The following DOK7 variants were observed in gnomAD, a reference collection of about 807,000 sequenced individuals.
DOK7 encodes docking protein 7, also known as protein Dok-7.
In DOK7, 32 loss-of-function variants were observed where a neutral mutation model predicts 30.7. The ratio of observed to expected loss-of-function variants is 1.04; its 90% CI spans 0.79 to 1.40. The LOEUF is 1.40. Among genes scored for constraint, DOK7 ranks in the 40% most tolerant of loss-of-function variants. The probability of loss-of-function intolerance (pLI) is 0.00; values close to 1 mark genes in which losing one functional copy is unlikely to be tolerated. For missense variants in DOK7, 1,007 were observed against 699.2 expected, an observed-to-expected ratio of 1.44 and a Z score of -4.97; for synonymous variants, 447 against 324.1, an observed-to-expected ratio of 1.38 and a Z score of -4.07.
At chr4:3,464,857 G>A (rs528709229) in intron 2 of DOK7, among the ~76,000 whole-genome samples, 1 of 152,210 alleles carries the variant, frequency 6.6e-6, no homozygotes, top group Non-Finnish European at 1.5e-5. Context: ...GTGAGTGCCT[G>A]AGTGGAGTGA....
In DOK7 at chr4:3,490,432, ATTCC is replaced by A. The variant is rs1398821123; in HGVS notation, c.772+640_772+643del. Reference sequence around the variant, plus strand: ...ACCCCCCCCACCGCCCCGCTCATTCATTCCTTCATTTCTCTCCTGCTCATTCATT... The same window carrying A: ...ACCCCCCCCACCGCCCCGCTCATTCATTCATTTCTCTCCTGCTCATTCATT... On this transcript the variant is annotated intron_variant, in intron 6 of 6. Transcript: ENST00000340083. Among the ~76,000 whole-genome samples, 48 of 19,244 alleles carry A rather than the reference ATTCC, an allele frequency of 2.5e-3. 1 individual carries two copies. Among genetic ancestry groups the A allele is most frequent in the African/African-American group, 8.8e-3 (45 of 5,138 alleles). The allele number at this position is 19,244 out of a possible 152,430, so 12.6% of individuals were successfully genotyped here. A position where few individuals can be genotyped will look rare whatever the true frequency, so the allele number is the denominator to read the frequency against.
rs913132284 is a variant in DOK7, at chr4:3,494,240, C to G, written c.*739C>G. ...GCTGGCTCCTGTCTGAACCTCCTCG[C>G]AGGGCCAAAGGCTGGCTTGGCCTGT... is the stretch of plus-strand genomic sequence containing the variant. On this transcript the variant is annotated 3_prime_UTR_variant, in exon 7 of 7. Transcript: ENST00000340083. 9 of 985,440 alleles carry G rather than the reference C, an allele frequency of 9.1e-6. 1 individual carries two copies. The East Asian group carries it at 4.5e-4, about 50-fold the overall frequency. The allele number at this position is 985,440 out of a possible 1,614,324, so 61.0% of individuals were successfully genotyped here.
intron 6 of DOK7, among the ~76,000 whole-genome samples, chr4:3,491,711 G>A (rs1431453849): frequency 6.6e-6 from 1 of 152,244 alleles, no homozygotes; most frequent in Non-Finnish European, 1.5e-5. Flanking sequence ...TTTACCTTCT[G>A]TGCCCAGACA....
intron 5 of DOK7, among the ~76,000 whole-genome samples, chr4:3,486,272 G>A (rs1448640385): frequency 6.6e-6 from 1 of 152,264 alleles, no homozygotes; most frequent in Non-Finnish European, 1.5e-5. Flanking sequence ...TCTGGTGCCT[G>A]GGCACGGTGG....
In DOK7 at chr4:3,492,859, A is replaced by T. The variant is rs768322699; in HGVS notation, c.873A>T (p.Ser291=). The change falls in exon 7 of 7, where the codon TCA becomes TCT. Residue 291 remains serine, a synonymous_variant. Coordinates refer to ENST00000340083, the MANE Select transcript of DOK7 (RefSeq NM_173660.5). Reference sequence around the variant, plus strand: ...CATGGCCAGAGCAATCCTCGTCGTCAGCCAGCACGTCACAGGAGGGGCCTA... The same window carrying T: ...CATGGCCAGAGCAATCCTCGTCGTCTGCCAGCACGTCACAGGAGGGGCCTA... ...LTAWPEQSSS[S]ASTSQEGPRP... is the part of the protein sequence containing the mutation. 6.8e-6 allele frequency: 11 copies of T among 1,610,136 alleles called. No individual in the cohort carries two copies. The highest frequency in any genetic ancestry group is 9.3e-6 in the Non-Finnish European group (11 of 1,179,130).
At position 3,493,720 on chromosome 4, in the gene DOK7, G is replaced by A. The variant is rs1026228189; in HGVS notation, c.*219G>A. On this transcript the variant is annotated 3_prime_UTR_variant, in exon 7 of 7. Coordinates refer to ENST00000340083, the MANE Select transcript of DOK7 (RefSeq NM_173660.5). ...TCTGGAAGGCAGGGGCTCTGGGTCC[G>A]GCAGGTCGGGGTCACCAGAGCCCCA... 12 of 1,424,504 alleles carry A rather than the reference G, an allele frequency of 8.4e-6. No individual in the cohort carries two copies. The highest frequency in any genetic ancestry group is 1.4e-5 in the African/African-American group (1 of 69,204). The allele number at this position is 1,424,504 out of a possible 1,614,324, so 88.2% of individuals were successfully genotyped here.
downstream of DOK7, among the ~76,000 whole-genome samples, chr4:3,497,779 G>A (rs957195395): frequency 8.3e-4 from 126 of 152,182 alleles, 1 homozygote; most frequent in African/African-American, 2.9e-3. Context: ...GGCAGCTTGG[G>A]AAAGCCCCCA....
intron 3 of DOK7, among the ~76,000 whole-genome samples, chr4:3,475,739 T>C (rs929822828): frequency 1.3e-5 from 2 of 152,094 alleles, no homozygotes; most frequent in Non-Finnish European, 2.9e-5. Context: ...GGTTTCCCCT[T>C]CTGTGATGGA....
rs1487831014 is a variant in DOK7, at chr4:3,493,121, G to A, written c.1135G>A (p.Gly379Arg). 8 of 1,592,368 alleles carry A rather than the reference G, an allele frequency of 5.0e-6. No individual in the cohort carries two copies. Among genetic ancestry groups the A allele is most frequent in the South Asian group, 2.3e-5 (2 of 88,678 alleles). Residue 379 changes from glycine to arginine, a missense_variant, in exon 7 of 7, where the codon GGG (glycine) becomes AGG (arginine). By Grantham distance (125) the Gly-to-Arg change is moderately radical (BLOSUM62 -2). Transcript: ENST00000340083. ...LGSLLSLPAAGAPEPSLCTCL... is the reference protein window; with the variant it reads ...LGSLLSLPAARAPEPSLCTCL... ...CTCACTGCTCAGCCTGCCAGCAGCG[G>A]GGGCCCCCGAGCCCAGCCTGTGCAC...
In DOK7 at chr4:3,492,864, G is replaced by T. The variant is rs767303929; in HGVS notation, c.878G>T (p.Ser293Ile). ...AWPEQSSSSASTSQEGPRPAA... is the reference protein window; with the variant it reads ...AWPEQSSSSAITSQEGPRPAA... ...CCAGAGCAATCCTCGTCGTCAGCCA[G>T]CACGTCACAGGAGGGGCCTAGACCA... Residue 293 changes from serine to isoleucine, a missense_variant, in exon 7 of 7, where the codon AGC becomes ATC. Coordinates refer to ENST00000340083, the MANE Select transcript of DOK7 (RefSeq NM_173660.5). 4 of 1,608,408 alleles carry T rather than the reference G, an allele frequency of 2.5e-6. No individual in the cohort carries two copies. Among genetic ancestry groups the T allele is most frequent in the East Asian group, 4.5e-5 (2 of 44,686 alleles).
intron 6 of DOK7, 48 bp from the exon 7 acceptor site, chr4:3,492,711 C>T (rs1348436320): frequency 7.5e-6 from 12 of 1,591,434 alleles, no homozygotes; most frequent in African/African-American, 1.4e-5. Flanking sequence ...ACGTCCTGCC[C>T]AGACCCCTGT....
At chr4:3,484,968 C>T (rs1034070905) in intron 4 of DOK7, 1 of 802,448 alleles carries the variant, frequency 1.2e-6, no homozygotes, top group African/African-American at 1.9e-5. Context: ...CAGCTCCCTT[C>T]TCCTGTGGCC....
chr4:3,494,484 C>A (rs932954777), downstream of DOK7: 4 of 985,480 alleles, frequency 4.1e-6, no homozygotes, highest in Non-Finnish European at 4.8e-6. Flanking sequence ...CTTTCCTTAC[C>A]ACCTTGTCCT....
chr4:3,487,051 A>G (rs868298717), intron 5 of DOK7, among the ~76,000 whole-genome samples: 32 of 151,386 alleles, frequency 2.1e-4, no homozygotes, highest in African/African-American at 7.8e-4. Context: ...AGGCGGGGCC[A>G]TTGCTGACAG....
intron 5 of DOK7, among the ~76,000 whole-genome samples, chr4:3,487,799 C>T (rs569434327): frequency 6.6e-5 from 10 of 152,310 alleles, no homozygotes; most frequent in South Asian, 4.1e-4. Context: ...GGCCACTCTC[C>T]GTCCCACCTG....
rs1340748004 is a variant in DOK7, at chr4:3,493,878, C to T, written c.*377C>T. On this transcript the variant is annotated 3_prime_UTR_variant, in exon 7 of 7. Coordinates refer to ENST00000340083, the MANE Select transcript of DOK7 (RefSeq NM_173660.5). ...CGCTGGCCTTGTCCTCCTTGGGCCT[C>T]ACGCCCCCTTCGGGGGTGGCCGGTT... 1 of 1,111,728 alleles carries T rather than the reference C, an allele frequency of 9.0e-7. No individual in the cohort carries two copies. The highest frequency in any genetic ancestry group is 6.2e-5 in the East Asian group (1 of 16,226). The allele number at this position is 1,111,728 out of a possible 1,614,324, so 68.9% of individuals were successfully genotyped here.
intron 6 of DOK7, among the ~76,000 whole-genome samples, 189 bp from the exon 7 acceptor site, chr4:3,492,570 A>C (rs1728546353): frequency 6.6e-6 from 1 of 150,628 alleles, no homozygotes; most frequent in South Asian, 2.1e-4. Flanking sequence ...AAAGAACAGG[A>C]GTGGATGAGG....
At chr4:3,496,462 G>A (rs988364723), downstream of DOK7, among the ~76,000 whole-genome samples, 2 of 152,242 alleles carry the variant, frequency 1.3e-5, no homozygotes, top group Non-Finnish European at 2.9e-5. Flanking sequence ...CCTTGCATGG[G>A]CGTGGTACTC....
At chr4:3,490,135 ATTCATTCCTTCCTT>A (rs1728146017) in intron 6 of DOK7, among the ~76,000 whole-genome samples, 2 of 39,092 alleles carry the variant, frequency 5.1e-5, no homozygotes, top group African/African-American at 2.3e-4. Context: ...CTCCCTGCTC[ATTCATTCCTTCCTT>A]CCCCACCCTG....
Sources: allele counts gnomAD v4.1 joint callset (sites outside exome capture counted in the v4.1 genomes callset), GRCh38; gene constraint gnomAD v4.1.1; transcripts MANE v1.5; gene names NCBI Gene and HGNC (gene_info 2026-07-23, HGNC 2026-07-21).